The following ZNF638 variants were observed in gnomAD, a reference collection of about 807,000 sequenced individuals.
ZNF638 encodes CTCL tumor antigen se33-1.
Under a neutral mutation model 195.6 loss-of-function variants are expected in ZNF638, and 46 were observed. The ratio of observed to expected loss-of-function variants is 0.24; its 90% CI spans 0.19 to 0.30. The LOEUF is 0.30. Ranked by LOEUF, ZNF638 falls within the 10% of genes least tolerant of loss-of-function variation. The probability of loss-of-function intolerance (pLI) is 1.00; values close to 1 mark genes in which losing one functional copy is unlikely to be tolerated. For synonymous variants in ZNF638, 845 were observed against 772.0 expected (o/e 1.09, Z -1.57); for missense variants, 2,440 against 2,325.3 (o/e 1.05, Z -1.01).
chr2:71,405,652 G>T lies in ZNF638; in HGVS notation c.3000+10G>T, dbSNP rs368891916. ...AGAAAATGACCCAGAGGTAAGTTTT[G>T]CATTTAAATGCTTTTGTATACTTAT... On this transcript the variant is annotated intron_variant, in intron 18 of 27. Transcript: ENST00000264447. 2.1e-5 allele frequency: 33 copies of T among 1,536,568 alleles called. No individual in the cohort carries two copies. The African/African-American group carries it at 4.6e-4, about 21-fold the overall frequency.
intron 19 of ZNF638, chr2:71,407,160 G>A (rs1333167401): frequency 6.6e-6 from 1 of 151,994 alleles, no homozygotes; most frequent in African/African-American, 2.4e-5. Context: ...GAAAGGCAGG[G>A]TTTTACATAA....
At chr2:71,390,822 C>T (rs960142009) in intron 10 of ZNF638, among the ~76,000 whole-genome samples, 3 of 152,234 alleles carry the variant, frequency 2.0e-5, no homozygotes, top group South Asian at 2.1e-4. Flanking sequence ...TAAGTGCACA[C>T]AGCCAAGCAG....
intron 6 of ZNF638, among the ~76,000 whole-genome samples, chr2:71,366,264 G>A (rs2079198083): frequency 1.3e-5 from 2 of 151,994 alleles, no homozygotes; most frequent in South Asian, 4.1e-4. Context: ...GGAGGCTCAG[G>A]TGGAAGGATC....
At chr2:71,378,411 T>A (rs1204176943) in intron 8 of ZNF638, among the ~76,000 whole-genome samples, 1 of 152,118 alleles carries the variant, frequency 6.6e-6, no homozygotes, top group East Asian at 1.9e-4. Context: ...CAAAAGGAAA[T>A]GACAAGAGTG....
rs2078904048 is a variant in ZNF638, at chr2:71,349,294, G to A, written c.340G>A (p.Val114Met). The A allele has an allele frequency of 6.2e-7, 1 of 1,614,094 alleles. No individual in the cohort carries two copies. Among genetic ancestry groups the A allele is most frequent in the Non-Finnish European group, 8.5e-7 (1 of 1,180,050 alleles). ...WDDEPHISASVAVKQSSVTQV... is the reference protein window; with the variant it reads ...WDDEPHISASMAVKQSSVTQV... ...TGATGAGCCTCATATATCTGCATCA[G>A]TGGCAGTGAAACAGAGTTCTGTAAC... Residue 114 changes from valine (V) to methionine (M), a missense_variant, in exon 2 of 28, where the codon GTG (valine) becomes ATG (methionine). By Grantham distance (21) the Val-to-Met change is conservative (BLOSUM62 1). Around this residue, in one of 5 missense-constraint regions of ZNF638, gnomAD observed 191 missense variants for 173.8 expected, o/e 1.10. Coordinates refer to ENST00000264447, the MANE Select transcript of ZNF638 (RefSeq NM_014497.5).
At chr2:71,379,236 C>A (rs1006138846) in intron 8 of ZNF638, among the ~76,000 whole-genome samples, 4 of 152,138 alleles carry the variant, frequency 2.6e-5, no homozygotes, top group African/African-American at 9.7e-5. Flanking sequence ...TACAGTAGTT[C>A]CCGTTTATCT....
intron 1 of ZNF638, among the ~76,000 whole-genome samples, chr2:71,344,231 A>G (rs548364405): frequency 1.3e-5 from 2 of 152,324 alleles, no homozygotes; most frequent in Admixed American, 1.3e-4. Flanking sequence ...TTTTGTATGG[A>G]TTCTGATTCT....
At chr2:71,338,421 T>G (rs1288624918) in intron 1 of ZNF638, among the ~76,000 whole-genome samples, 2 of 152,224 alleles carry the variant, frequency 1.3e-5, no homozygotes, top group Non-Finnish European at 2.9e-5. Context: ...CAGTTCTTTC[T>G]TGCTTTCTCC....
intron 10 of ZNF638, among the ~76,000 whole-genome samples, chr2:71,386,072 C>T (rs1161682938): frequency 6.6e-6 from 1 of 151,990 alleles, no homozygotes; most frequent in Non-Finnish European, 1.5e-5. Context: ...ATATTAACTT[C>T]AACATCCATT....
chr2:71,348,462 A>G, intron 1 of ZNF638: 1 of 1,017,844 alleles, frequency 9.8e-7, no homozygotes, highest in South Asian at 3.9e-5. Context: ...GTATTTTTCA[A>G]GATTATGTAA....
chr2:71,422,896 G>A lies in ZNF638; in HGVS notation c.3382G>A (p.Glu1128Lys). Residue 1128 changes from glutamate (E) to lysine (K), a missense_variant, in exon 22 of 28, where the codon GAA (glutamate) becomes AAA (lysine). By Grantham distance (56) the Glu-to-Lys change is moderately conservative. Transcript: ENST00000264447. Reference protein sequence around the residue: ...DSPSVKPNELEEESTPSIQTE... With the variant: ...DSPSVKPNELKEESTPSIQTE... ...TCCCTCTGTTAAACCTAATGAGCTT[G>A]AAGAAGAAAGTACTCCCAGCATTCA... 1.2e-6 allele frequency: 2 copies of A among 1,614,092 alleles called. No homozygotes were observed. The highest frequency in any genetic ancestry group is 1.7e-6 in the Non-Finnish European group (2 of 1,179,984).
chr2:71,354,632 G>C (rs1421800397), intron 2 of ZNF638, among the ~76,000 whole-genome samples: 1 of 151,862 alleles, frequency 6.6e-6, no homozygotes, highest in Non-Finnish European at 1.5e-5. Context: ...AGCTACTAGG[G>C]AGGCTGAGGC....
intron 26 of ZNF638, among the ~76,000 whole-genome samples, chr2:71,431,818 T>G (rs1214917287): frequency 6.6e-6 from 1 of 152,146 alleles, no homozygotes; most frequent in Admixed American, 6.5e-5. Flanking sequence ...GGTGAGTAAT[T>G]GGGTAACCTT....
chr2:71,353,859 A>C (rs1277511383), intron 2 of ZNF638, among the ~76,000 whole-genome samples: 1 of 152,246 alleles, frequency 6.6e-6, no homozygotes, highest in Non-Finnish European at 1.5e-5. Flanking sequence ...TGTCTGTTTG[A>C]TGTAAACAGT....
chr2:71,336,263 G>A (rs1026184211), intron 1 of ZNF638, among the ~76,000 whole-genome samples: 4 of 151,440 alleles, frequency 2.6e-5, no homozygotes, highest in African/African-American at 9.7e-5. Flanking sequence ...CCAGCTACTC[G>A]GGAGGCTGAG....
At chr2:71,358,107 T>G (rs2079053446) in intron 3 of ZNF638, among the ~76,000 whole-genome samples, 1 of 152,204 alleles carries the variant, frequency 6.6e-6, no homozygotes, top group Non-Finnish European at 1.5e-5. Context: ...TTCCTTGGCT[T>G]GTAGCCTATC....
At position 71,403,911 on chromosome 2, in the gene ZNF638, A is replaced by T; in HGVS notation, c.2871A>T (p.Val957=). 6.2e-7 allele frequency: 1 copy of T among 1,605,682 alleles called. No homozygotes were observed. Among genetic ancestry groups the T allele is most frequent in the Non-Finnish European group, 8.5e-7 (1 of 1,173,034 alleles). The change falls in exon 17 of 28, where the codon GTA becomes GTT. Residue 957 remains valine, a synonymous_variant. Coordinates refer to ENST00000264447, the MANE Select transcript of ZNF638 (RefSeq NM_014497.5). The part of the protein sequence containing the change: ...EINRKAAESM[V]KFYTCFPVLM... Reference sequence around the variant, plus strand: ...ATAGAAAAGCTGCTGAGTCTATGGTAAAATTTTATACCTGCTTCCCAGTAT... The same window carrying T: ...ATAGAAAAGCTGCTGAGTCTATGGTTAAATTTTATACCTGCTTCCCAGTAT...
chr2:71,397,648 C>G (rs1456175564), intron 11 of ZNF638, among the ~76,000 whole-genome samples: 1 of 152,152 alleles, frequency 6.6e-6, no homozygotes, highest in Non-Finnish European at 1.5e-5. Context: ...CAATTTAGAT[C>G]TATTGATTTT....
chr2:71,363,368 T>C (rs1350786193), intron 4 of ZNF638, among the ~76,000 whole-genome samples, 177 bp downstream of exon 4: 1 of 152,186 alleles, frequency 6.6e-6, no homozygotes, highest in Non-Finnish European at 1.5e-5. Context: ...GCCCCTCCCC[T>C]GATCTACTTT....
Sources: gnomAD v4.1 joint callset for allele counts (sites outside exome capture counted in the v4.1 genomes callset) on GRCh38, gnomAD v4.1.1 for gene constraint, gnomAD v4.1.1 regional missense constraint, MANE v1.5 for transcripts, NCBI Gene and HGNC (gene_info 2026-07-23, HGNC 2026-07-21) for gene names.